Variants in RAB3C observed in about 807,000 individuals in gnomAD.
RAB3C encodes the protein RAB3C, member RAS oncogene family.
RAB3C carries 17 observed loss-of-function variants against 26.4 expected under a neutral mutation model. The ratio of observed to expected loss-of-function variants is 0.64; its 90% confidence interval spans 0.44 to 0.97. The LOEUF is 0.97. Ranked by LOEUF, RAB3C falls within the 50% of genes least tolerant of loss-of-function variation. The probability of loss-of-function intolerance (pLI) is 0.00; values close to 1 mark genes in which losing one functional copy is unlikely to be tolerated. For missense variants in RAB3C, 242 were observed against 281.9 expected (o/e 0.86, Z 1.01); for synonymous variants, 91 against 95.9 (o/e 0.95, Z 0.30).
chr5:58,694,159 C>G, intron 2 of RAB3C, among the ~76,000 whole-genome samples: 1 of 152,028 alleles, frequency 6.6e-6, no homozygotes, highest in East Asian at 1.9e-4. Context: ...TGTTCAATTC[C>G]CACCTATGAA....
intron 3 of RAB3C, among the ~76,000 whole-genome samples, chr5:58,776,673 C>G (rs534440401): frequency 6.6e-6 from 1 of 152,260 alleles, no homozygotes; most frequent in African/African-American, 2.4e-5. Flanking sequence ...AACAGATAAA[C>G]CACAAATCTT....
At chr5:58,709,297 A>G (rs1330198576) in intron 2 of RAB3C, among the ~76,000 whole-genome samples, 3 of 152,176 alleles carry the variant, frequency 2.0e-5, no homozygotes, top group Non-Finnish European at 2.9e-5. Context: ...CAGCACCCAA[A>G]GTGACAGTGT....
At chr5:58,664,781 C>T (rs981193323) in intron 2 of RAB3C, among the ~76,000 whole-genome samples, 1 of 152,034 alleles carries the variant, frequency 6.6e-6, no homozygotes, top group Admixed American at 6.6e-5. Context: ...CCATAATATA[C>T]TAAGAATCCA....
chr5:58,649,499 A>G (rs868304803), intron 2 of RAB3C, among the ~76,000 whole-genome samples: 2 of 151,074 alleles, frequency 1.3e-5, no homozygotes, highest in South Asian at 4.2e-4. Flanking sequence ...CTTCTCTCAA[A>G]CCCTCACTTA....
intron 1 of RAB3C, among the ~76,000 whole-genome samples, chr5:58,594,808 G>A (rs990989865): frequency 2.7e-5 from 4 of 146,216 alleles, no homozygotes; most frequent in African/African-American, 1.0e-4. Context: ...GTTTAATGAT[G>A]AAAACTTATT....
intron 3 of RAB3C, among the ~76,000 whole-genome samples, chr5:58,764,562 C>G (rs539579508): frequency 2.6e-5 from 4 of 152,322 alleles, no homozygotes; most frequent in African/African-American, 9.6e-5. Flanking sequence ...AGAATACTCT[C>G]TAACATTTAA....
chr5:58,597,852 TACG>T (rs1452083198), intron 1 of RAB3C, among the ~76,000 whole-genome samples: 1 of 51,878 alleles, frequency 1.9e-5, no homozygotes, highest in African/African-American at 9.9e-5. Context: ...TATATAAGTA[TACG>T]ATAACATGTA....
intron 3 of RAB3C, among the ~76,000 whole-genome samples, chr5:58,819,866 T>G (rs1393982896): frequency 6.6e-6 from 1 of 152,072 alleles, no homozygotes; most frequent in Non-Finnish European, 1.5e-5. Flanking sequence ...AGACTCCACC[T>G]CAAAAAAAAC....
chr5:58,797,807 A>G (rs1386179067), intron 3 of RAB3C, among the ~76,000 whole-genome samples: 3 of 152,212 alleles, frequency 2.0e-5, no homozygotes, highest in African/African-American at 7.2e-5. Flanking sequence ...AGGTATCCCC[A>G]TTATGGTTTC....
intron 2 of RAB3C, among the ~76,000 whole-genome samples, chr5:58,684,401 A>G (rs931801168): frequency 9.4e-4 from 143 of 152,198 alleles, no homozygotes; most frequent in African/African-American, 3.3e-3. Flanking sequence ...AGTCTTTATC[A>G]CTTCTTTTGA....
chr5:58,782,106 C>T (rs935140652), intron 3 of RAB3C, among the ~76,000 whole-genome samples: 1 of 152,044 alleles, frequency 6.6e-6, no homozygotes, highest in South Asian at 2.1e-4. Flanking sequence ...TACCCCTTAT[C>T]CCCATGACTA....
At chr5:58,681,195 G>A (rs939603623) in intron 2 of RAB3C, among the ~76,000 whole-genome samples, 1 of 152,164 alleles carries the variant, frequency 6.6e-6, no homozygotes, top group African/African-American at 2.4e-5. Context: ...GTGAGGCACT[G>A]CTTCCCATGT....
At position 58,586,467 on chromosome 5, in the gene RAB3C, C is replaced by T. The variant is rs112951931; in HGVS notation, c.24+3235C>T. On this transcript the variant is annotated intron_variant, in intron 1 of 4. Coordinates refer to ENST00000282878, the MANE Select transcript of RAB3C (RefSeq NM_138453.4). ...AAGAAAGAAAAATTGGCCCTATCTT[C>T]TTCTTATAAAATAAACTTGCATAAA... 3.7e-3 allele frequency among the ~76,000 whole-genome samples: 561 copies of T among 152,202 alleles called. 4 individuals are homozygous for T. The highest frequency in any genetic ancestry group is 0.013 in the African/African-American group (527 of 41,560).
At chr5:58,670,574 G>A (rs1358847139) in intron 2 of RAB3C, among the ~76,000 whole-genome samples, 2 of 152,086 alleles carry the variant, frequency 1.3e-5, no homozygotes, top group African/African-American at 2.4e-5. Context: ...AAAAGTTAAG[G>A]TGCATATGAA....
intron 4 of RAB3C, among the ~76,000 whole-genome samples, chr5:58,827,453 T>C (rs542258354): frequency 6.6e-6 from 1 of 152,314 alleles, no homozygotes; most frequent in South Asian, 2.1e-4. Context: ...CTGGCTAAAT[T>C]TTTTAACACT....
At chr5:58,705,676 G>A (rs921420043) in intron 2 of RAB3C, among the ~76,000 whole-genome samples, 1 of 152,004 alleles carries the variant, frequency 6.6e-6, no homozygotes, top group Non-Finnish European at 1.5e-5. Flanking sequence ...TTTATTGAAA[G>A]GACTCCTTGG....
chr5:58,732,064 TTTTA>T (rs72117623), intron 3 of RAB3C, among the ~76,000 whole-genome samples: 82,089 of 148,864 alleles, frequency 0.55, 24,655 homozygotes, highest in East Asian at 0.76. Flanking sequence ...TTATAGAGAA[TTTTA>T]TTTATTTATT....
chr5:58,670,817 C>A (rs965652033), intron 2 of RAB3C, among the ~76,000 whole-genome samples: 14 of 152,172 alleles, frequency 9.2e-5, no homozygotes, highest in Admixed American at 8.5e-4. Flanking sequence ...AGTCAGAAAT[C>A]ATGATCTCAT....
chr5:58,599,008 A>G (rs1746391568), intron 1 of RAB3C, among the ~76,000 whole-genome samples: 1 of 152,148 alleles, frequency 6.6e-6, no homozygotes, highest in African/African-American at 2.4e-5. Flanking sequence ...TATTCTTATT[A>G]TAGATGAGGA....
Sources: gnomAD v4.1 joint callset for allele counts (sites outside exome capture counted in the v4.1 genomes callset) on GRCh38, gnomAD v4.1.1 for gene constraint, MANE v1.5 for transcripts, NCBI Gene and HGNC (gene_info 2026-07-23, HGNC 2026-07-21) for gene names.